The following CA13 variants were observed in gnomAD, a reference collection of about 807,000 sequenced individuals.
CA13 encodes the protein CA-XIII.
In CA13, 21 loss-of-function variants were observed where a neutral mutation model predicts 31.5. That is an observed-to-expected ratio of 0.67 (90% CI 0.47 to 0.96). The LOEUF is 0.96. CA13 is among the 40% of genes least tolerant of loss of function. The pLI, the probability that CA13 is intolerant of heterozygous loss-of-function variation, is 0.00. For synonymous variants in CA13, 117 were observed against 111.4 expected, an observed-to-expected ratio of 1.05 and a Z score of -0.32; for missense variants, 315 against 318.9, an observed-to-expected ratio of 0.99 and a Z score of 0.09.
At chr8:85,281,120 A>G in intron 6 of CA13, 110 bp from the exon 7 acceptor site, 1 of 1,309,648 alleles carries the variant, frequency 7.6e-7, no homozygotes, top group Admixed American at 2.2e-5. Context: ...GAAAATTTTC[A>G]TTGCAGTATT....
At chr8:85,270,522 G>A (rs1807515165) in intron 6 of CA13, among the ~76,000 whole-genome samples, 1 of 152,146 alleles carries the variant, frequency 6.6e-6, no homozygotes, top group Non-Finnish European at 1.5e-5. Context: ...ACCTGTTACT[G>A]ATTCAGAGTC....
chr8:85,268,994 G>C (rs1807493035), intron 6 of CA13, among the ~76,000 whole-genome samples: 1 of 152,196 alleles, frequency 6.6e-6, no homozygotes, highest in South Asian at 2.1e-4. Context: ...AAAAATCAGA[G>C]AGCGGCTACT....
chr8:85,278,851 G>A (rs1458184279), intron 6 of CA13, among the ~76,000 whole-genome samples: 2 of 152,090 alleles, frequency 1.3e-5, no homozygotes, highest in East Asian at 3.9e-4. Flanking sequence ...TTGTCAAGAT[G>A]GCTTATTTAT....
intron 3 of CA13, among the ~76,000 whole-genome samples, chr8:85,260,862 G>A (rs1413308268): frequency 6.6e-6 from 1 of 152,202 alleles, no homozygotes; most frequent in Non-Finnish European, 1.5e-5. Context: ...TGGATCACTG[G>A]TCTCTCATTT....
intron 6 of CA13, among the ~76,000 whole-genome samples, chr8:85,272,112 G>A (rs1807535639): frequency 6.6e-6 from 1 of 152,036 alleles, no homozygotes; most frequent in Non-Finnish European, 1.5e-5. Context: ...AAAATTTTCT[G>A]GTGCTCTTTT....
intron 3 of CA13, among the ~76,000 whole-genome samples, chr8:85,264,515 G>T (rs1807429751): frequency 6.6e-6 from 1 of 152,110 alleles, no homozygotes; most frequent in African/African-American, 2.4e-5. Flanking sequence ...ATTGCTGCCA[G>T]TCTTAAGTAA....
At chr8:85,269,343 C>T (rs1807496932) in intron 6 of CA13, among the ~76,000 whole-genome samples, 1 of 152,058 alleles carries the variant, frequency 6.6e-6, no homozygotes, top group South Asian at 2.1e-4. Flanking sequence ...CCCAGCTACT[C>T]AAGGGGTTGA....
At chr8:85,270,264 A>G (rs1807511882) in intron 6 of CA13, among the ~76,000 whole-genome samples, 1 of 152,088 alleles carries the variant, frequency 6.6e-6, no homozygotes, top group Admixed American at 6.6e-5. Flanking sequence ...TTTTCCTCCT[A>G]ATGATACCAG....
intron 6 of CA13, among the ~76,000 whole-genome samples, chr8:85,277,447 G>T (rs1807629426): frequency 6.6e-6 from 1 of 152,092 alleles, no homozygotes; most frequent in Admixed American, 6.6e-5. Context: ...CCTAGCATCA[G>T]AAGGAACAAA....
chr8:85,268,573 T>G lies in CA13; in HGVS notation c.615T>G (p.Leu205=), dbSNP rs377405290. The change falls in exon 6 of 7, where the codon CTT becomes CTG. Residue 205 remains leucine (L), a synonymous_variant. Transcript: ENST00000321764. ...YPGSLTVPPL[L]ESVTWIVLKQ... ...GTTCTCTTACAGTTCCACCTCTTCT[T>G]GAGAGTGTCACATGGATTGTTTTAA... 3 of 1,613,910 alleles carry G rather than the reference T, an allele frequency of 1.9e-6. No homozygotes were observed. The African/African-American group carries it at 4.0e-5, about 22-fold the overall frequency.
intron 3 of CA13, among the ~76,000 whole-genome samples, chr8:85,266,259 T>C (rs888869868): frequency 6.6e-6 from 1 of 152,182 alleles, no homozygotes; most frequent in African/African-American, 2.4e-5. Flanking sequence ...GGCGCAGTCT[T>C]AGCTCACTGC....
In CA13 at chr8:85,245,720, C is replaced by G; in HGVS notation, c.-109C>G. 2 of 1,294,942 alleles carry G rather than the reference C, an allele frequency of 1.5e-6. No individual in the cohort carries two copies. Among genetic ancestry groups the G allele is most frequent in the South Asian group, 1.2e-5 (1 of 82,160 alleles). The allele number at this position is 1,294,942 out of a possible 1,614,324, so 80.2% of individuals were successfully genotyped here. ...GTTCACGGTCTCGCACTCCTGCCGC[C>G]GGCGCCCCGCGGTCCCGCCCTAGCA... On this transcript the variant is annotated 5_prime_UTR_variant, in exon 1 of 7. Coordinates refer to ENST00000321764, the MANE Select transcript of CA13 (RefSeq NM_198584.3).
chr8:85,281,576 A>C lies in CA13; in HGVS notation c.*227A>C, dbSNP rs1301483373. 1 of 1,118,124 alleles carries C rather than the reference A, an allele frequency of 8.9e-7. No individual in the cohort carries two copies. The highest frequency in any genetic ancestry group is 1.1e-6 in the Non-Finnish European group (1 of 879,846). The allele number at this position is 1,118,124 out of a possible 1,614,324, so 69.3% of individuals were successfully genotyped here. ...CACCCAGGCTGGAGGGCAGTGGTAC[A>C]GTCTTGGCTAATTGCAGCCTCCAAC... is the stretch of plus-strand genomic sequence containing the variant. On this transcript the variant is annotated 3_prime_UTR_variant, in exon 7 of 7. Transcript: ENST00000321764.
chr8:85,277,171 G>A (rs1807624240), intron 6 of CA13, among the ~76,000 whole-genome samples: 2 of 152,166 alleles, frequency 1.3e-5, no homozygotes, highest in African/African-American at 4.8e-5. Flanking sequence ...TCCACACCGT[G>A]GAAGCTCTGT....
intron 1 of CA13, 23 bp downstream of exon 1, chr8:85,245,888 AG>A (rs757587958): frequency 6.8e-6 from 11 of 1,613,252 alleles, no homozygotes; most frequent in Admixed American, 3.3e-5. Context: ...TCCTGATCCA[AG>A]GGGGGGTTTG....
At position 85,245,737 on chromosome 8, in the gene CA13, G is replaced by T. The variant is rs529978988; in HGVS notation, c.-92G>T. ...CCTGCCGCCGGCGCCCCGCGGTCCC[G>T]CCCTAGCAGGCTCCTTCCCGGGCCC... is the stretch of plus-strand genomic sequence containing the variant. On this transcript the variant is annotated 5_prime_UTR_variant, in exon 1 of 7. Coordinates refer to ENST00000321764, the MANE Select transcript of CA13 (RefSeq NM_198584.3). 2.7e-6 allele frequency: 4 copies of T among 1,478,788 alleles called. No individual in the cohort carries two copies. In the South Asian group the frequency reaches 3.4e-5, roughly 13 times the overall value. 91.6% of individuals were successfully genotyped at this position (1,478,788 alleles called of 1,614,324 possible). A position where few individuals can be genotyped will look rare whatever the true frequency, so the allele number is the denominator to read the frequency against.
At position 85,245,751 on chromosome 8, in the gene CA13, C is replaced by T; in HGVS notation, c.-78C>T. ...CCCGCGGTCCCGCCCTAGCAGGCTCCTTCCCGGGCCCCTCCCCGCTCCCTC... is the reference window on the plus strand; with the variant it reads ...CCCGCGGTCCCGCCCTAGCAGGCTCTTTCCCGGGCCCCTCCCCGCTCCCTC... On this transcript the variant is annotated 5_prime_UTR_variant, in exon 1 of 7. Transcript: ENST00000321764. The T allele has an allele frequency of 2.6e-6, 4 of 1,553,312 alleles. No homozygotes were observed. Among genetic ancestry groups the T allele is most frequent in the Non-Finnish European group, 3.6e-6 (4 of 1,126,198 alleles).
At position 85,281,162 on chromosome 8, in the gene CA13, A is replaced by C. The variant is rs1807698322; in HGVS notation, c.670-68A>C. On this transcript the variant is annotated intron_variant, in intron 6 of 6. Coordinates refer to ENST00000321764, the MANE Select transcript of CA13 (RefSeq NM_198584.3). ...TCCTGGTTATAGATATATCTTCTTT[A>C]TGCAGGGTAATTCATTAATATTGGT... 3 of 1,564,602 alleles carry C rather than the reference A, an allele frequency of 1.9e-6. No homozygotes were observed. In the East Asian group the frequency reaches 6.8e-5, roughly 36 times the overall value.
Position 85,245,609 on chromosome 8 carries a change from C to T in CA13, c.-220C>T, listed in dbSNP as rs552974192. The T allele has an allele frequency of 5.2e-6, 3 of 576,432 alleles. No individual in the cohort carries two copies. The highest frequency in any genetic ancestry group is 3.0e-5 in the East Asian group (1 of 33,086). 35.7% of individuals were successfully genotyped at this position (576,432 alleles called of 1,614,324 possible). Reference sequence around the variant, plus strand: ...CCGAGTCCAAACTAAGAGAGACTCGCGCCCCAGGAGTCAGCCAGCGGCGCG... The same window carrying T: ...CCGAGTCCAAACTAAGAGAGACTCGTGCCCCAGGAGTCAGCCAGCGGCGCG... On this transcript the variant is annotated 5_prime_UTR_variant, in exon 1 of 7. Coordinates refer to ENST00000321764, the MANE Select transcript of CA13 (RefSeq NM_198584.3).
Sources: gnomAD v4.1 joint callset for allele counts (sites outside exome capture counted in the v4.1 genomes callset) on GRCh38, gnomAD v4.1.1 for gene constraint, MANE v1.5 for transcripts, NCBI Gene and HGNC (gene_info 2026-07-23, HGNC 2026-07-21) for gene names.